The following FRMD4A variants were observed in gnomAD, a reference collection of about 807,000 sequenced individuals.
The protein encoded by FRMD4A is FERM domain containing 4A, also known as FERM domain-containing protein 4A.
A neutral mutation model predicts 129.1 loss-of-function variants in FRMD4A; 29 were observed. The ratio of observed to expected loss-of-function variants is 0.22; its 90% CI spans 0.17 to 0.31. The LOEUF is 0.31. Among genes scored for constraint, FRMD4A ranks in the 10% least tolerant of loss-of-function variants. The pLI is 1.00. For missense variants in FRMD4A, 1,272 were observed against 1,375.8 expected, an observed-to-expected ratio of 0.92 and a Z score of 1.19; for synonymous variants, 634 against 571.6, an observed-to-expected ratio of 1.11 and a Z score of -1.56.
intron 2 of FRMD4A, among the ~76,000 whole-genome samples, chr10:14,024,881 T>G (rs1202596594): frequency 6.6e-6 from 1 of 152,256 alleles, no homozygotes; most frequent in African/African-American, 2.4e-5. Flanking sequence ...ATTTCTCAGT[T>G]GATTTCTGAC....
intron 2 of FRMD4A, among the ~76,000 whole-genome samples, chr10:14,110,372 T>C (rs905835979): frequency 3.3e-5 from 5 of 152,146 alleles, no homozygotes; most frequent in African/African-American, 1.2e-4. Context: ...AAATTCCTTC[T>C]TGCCCATGAT....
At chr10:13,656,539 A>G (rs992195270) in intron 22 of FRMD4A, 97 bp downstream of exon 22, 13 of 1,259,114 alleles carry the variant, frequency 1.0e-5, no homozygotes, top group Non-Finnish European at 1.3e-5. Context: ...TCCTCACTGC[A>G]CCCAGTCCTA....
At chr10:14,327,133 A>G (rs922476418) in intron 2 of FRMD4A, 2 of 396,532 alleles carry the variant, frequency 5.0e-6, no homozygotes, top group African/African-American at 4.1e-5. Context: ...GGCCTCTGAG[A>G]CACTGTTCAA....
chr10:13,647,233 G>A (rs908794653), intron 24 of FRMD4A, 198 bp from the exon 25 acceptor site: 10 of 152,284 alleles, frequency 6.6e-5, no homozygotes, highest in African/African-American at 2.4e-4. Context: ...CACACAAAGG[G>A]GCCGCCTGAA....
intron 2 of FRMD4A, among the ~76,000 whole-genome samples, chr10:14,287,901 T>C (rs1845732021): frequency 1.3e-5 from 2 of 152,104 alleles, no homozygotes; most frequent in African/African-American, 4.8e-5. Context: ...AACTTCAGAA[T>C]TGACAAAACA....
Position 13,887,623 on chromosome 10 carries a change from T to C in FRMD4A, c.46-28711A>G, listed in dbSNP as rs112186365. On this transcript the variant is annotated intron_variant, in intron 2 of 24. Coordinates refer to ENST00000357447, the MANE Select transcript of FRMD4A (RefSeq NM_018027.5). ...TTGCCGTGAGCCGAGATTGCACCAC[T>C]GCACTCCAGCCTGGTGACAGAGCAA... Among the ~76,000 whole-genome samples the C allele has an allele frequency of 5.6e-3, 857 of 152,246 alleles. 7 individuals carry two copies. Among genetic ancestry groups the C allele is most frequent in the African/African-American group, 0.02 (814 of 41,522 alleles).
At chr10:14,148,907 C>G (rs749758408) in intron 2 of FRMD4A, among the ~76,000 whole-genome samples, 1 of 152,130 alleles carries the variant, frequency 6.6e-6, no homozygotes, top group African/African-American at 2.4e-5. Context: ...TAGGGGTTTA[C>G]GCTAGGATTT....
intron 15 of FRMD4A, among the ~76,000 whole-genome samples, chr10:13,680,883 A>T (rs540798616): frequency 2.6e-5 from 4 of 151,980 alleles, no homozygotes; most frequent in Non-Finnish European, 5.9e-5. Context: ...TGCTCTACTA[A>T]AAAAAAATTA....
chr10:13,731,386 C>T (rs184939787), intron 12 of FRMD4A, among the ~76,000 whole-genome samples: 87 of 152,274 alleles, frequency 5.7e-4, no homozygotes, highest in African/African-American at 1.7e-3. Flanking sequence ...CAGTGGCTCA[C>T]GCCTGTAATC....
intron 2 of FRMD4A, among the ~76,000 whole-genome samples, chr10:14,107,131 T>C (rs1236070709): frequency 2.6e-5 from 4 of 152,150 alleles, no homozygotes; most frequent in Non-Finnish European, 5.9e-5. Context: ...TTCTCACTTC[T>C]AAGTGGGAGC....
At chr10:13,774,775 G>T (rs1041456541) in intron 6 of FRMD4A, among the ~76,000 whole-genome samples, 1 of 151,954 alleles carries the variant, frequency 6.6e-6, no homozygotes, top group Non-Finnish European at 1.5e-5. Flanking sequence ...AGGAAGCCTC[G>T]TACAGGAAAG....
At chr10:14,051,764 GGCAGCCTAT>G (rs1565213349) in intron 2 of FRMD4A, among the ~76,000 whole-genome samples, 1 of 152,172 alleles carries the variant, frequency 6.6e-6, no homozygotes, top group African/African-American at 2.4e-5. Context: ...ATGGCACCTC[GGCAGCCTAT>G]GCAGTAAGCG....
chr10:14,253,639 C>G (rs1348529538), intron 2 of FRMD4A, among the ~76,000 whole-genome samples: 2 of 152,362 alleles, frequency 1.3e-5, no homozygotes, highest in African/African-American at 4.8e-5. Flanking sequence ...ACTTAAAACT[C>G]TCCCCTTACC....
At chr10:14,186,370 G>C (rs1842147084) in intron 2 of FRMD4A, among the ~76,000 whole-genome samples, 1 of 152,128 alleles carries the variant, frequency 6.6e-6, no homozygotes, top group African/African-American at 2.4e-5. Flanking sequence ...CTCATGCCAA[G>C]ACCTTTCTAG....
At chr10:13,704,888 CTG>C (rs1002471203) in intron 13 of FRMD4A, among the ~76,000 whole-genome samples, 2 of 150,220 alleles carry the variant, frequency 1.3e-5, no homozygotes, top group Non-Finnish European at 1.5e-5. Flanking sequence ...CTGGGCAACA[CTG>C]TGAGACCCAG....
chr10:13,728,963 G>C (rs1252638205), intron 12 of FRMD4A, among the ~76,000 whole-genome samples: 3 of 152,184 alleles, frequency 2.0e-5, no homozygotes, highest in Admixed American at 1.3e-4. Flanking sequence ...AGGATGTCTA[G>C]GATTGATGCT....
At position 14,121,512 on chromosome 10, in the gene FRMD4A, G is replaced by A. The variant is rs553430281; in HGVS notation, c.45+208546C>T. Among the ~76,000 whole-genome samples the A allele has an allele frequency of 8.8e-4, 134 of 152,314 alleles. 1 individual carries two copies. Among genetic ancestry groups the A allele is most frequent in the Admixed American group, 1.0e-3 (16 of 15,302 alleles). ...TGCTTATTCACACACCACGCTTTGA[G>A]GAGTAAGAGTTTAAAAGAGGGGCTA... On this transcript the variant is annotated intron_variant, in intron 2 of 24. Transcript: ENST00000357447.
intron 2 of FRMD4A, among the ~76,000 whole-genome samples, chr10:14,323,180 G>T (rs1450655487): frequency 2.0e-5 from 3 of 152,194 alleles, no homozygotes; most frequent in Non-Finnish European, 4.4e-5. Context: ...ACAGAACTGG[G>T]CAACTTGTTT....
intron 6 of FRMD4A, among the ~76,000 whole-genome samples, chr10:13,777,180 G>A (rs2092615377): frequency 6.6e-6 from 1 of 152,148 alleles, no homozygotes; most frequent in African/African-American, 2.4e-5. Flanking sequence ...TGCCTTTCAT[G>A]ATCTTTACAC....
Sources: gnomAD v4.1 joint callset for allele counts (sites outside exome capture counted in the v4.1 genomes callset) on GRCh38, gnomAD v4.1.1 for gene constraint, MANE v1.5 for transcripts, NCBI Gene and HGNC (gene_info 2026-07-23, HGNC 2026-07-21) for gene names.